Variants in JAKMIP3 observed in about 807,000 individuals in gnomAD.
JAKMIP3 encodes Janus kinase and microtubule interacting protein 3.
A neutral mutation model predicts 118.5 loss-of-function variants in JAKMIP3; 58 were observed. That is an observed-to-expected ratio of 0.49 (90% CI 0.40 to 0.61). The LOEUF (loss-of-function observed/expected upper bound fraction) is 0.61, where lower values mean the gene tolerates loss of function less well. Among genes scored for constraint, JAKMIP3 ranks in the 20% least tolerant of loss-of-function variants. The probability of loss-of-function intolerance (pLI) is 0.00; values close to 1 mark genes in which losing one functional copy is unlikely to be tolerated. For synonymous variants in JAKMIP3, 486 were observed against 451.2 expected, an observed-to-expected ratio of 1.08 and a Z score of -0.98; for missense variants, 950 against 1,109.0, an observed-to-expected ratio of 0.86 and a Z score of 2.04.
chr10:132,143,783 G>A (rs1381184201), intron 11 of JAKMIP3: 1 of 152,200 alleles, frequency 6.6e-6, no homozygotes, highest in Non-Finnish European at 1.5e-5. Flanking sequence ...CATGGACGTG[G>A]GCCCATCCCT....
At chr10:132,127,143 A>AT (rs2049725374) in intron 3 of JAKMIP3, among the ~76,000 whole-genome samples, 5 of 151,738 alleles carry the variant, frequency 3.3e-5, no homozygotes, top group Admixed American at 3.3e-4. Context: ...GTTTATTTTT[A>AT]TGTTAAGTTT....
intron 1 of JAKMIP3, among the ~76,000 whole-genome samples, chr10:132,039,158 ATT>A (rs759893927): frequency 6.6e-6 from 1 of 152,142 alleles, no homozygotes; most frequent in Non-Finnish European, 1.5e-5. Flanking sequence ...ATATTTAAAC[ATT>A]TTTTTAATAG....
chr10:132,081,824 C>T (rs1204150559), intron 1 of JAKMIP3, among the ~76,000 whole-genome samples: 1 of 152,028 alleles, frequency 6.6e-6, no homozygotes, highest in East Asian at 1.9e-4. Flanking sequence ...CAGAGAACCA[C>T]ACGTCGCTTC....
At chr10:132,065,009 C>A (rs2038600679), upstream of JAKMIP3, among the ~76,000 whole-genome samples, 1 of 152,112 alleles carries the variant, frequency 6.6e-6, no homozygotes, top group Non-Finnish European at 1.5e-5. This position sits in a 1 kb window ranked among gnomAD's most constrained non-coding sequence, Gnocchi z 5.6. Context: ...TAGGGTCCTC[C>A]CAGGCTGACC....
At chr10:132,120,787 C>T (rs373841450) in intron 3 of JAKMIP3, among the ~76,000 whole-genome samples, 23 of 152,302 alleles carry the variant, frequency 1.5e-4, no homozygotes, top group African/African-American at 5.5e-4. Context: ...CTTTTAAGGC[C>T]GTCATTTATG....
intron 14 of JAKMIP3, among the ~76,000 whole-genome samples, chr10:132,148,520 C>T (rs1010401697): frequency 8.5e-6 from 1 of 117,710 alleles, no homozygotes; most frequent in African/African-American, 2.8e-5. Context: ...CCTCCATCCG[C>T]CCGTCCTCCA....
intron 2 of JAKMIP3, among the ~76,000 whole-genome samples, chr10:132,108,521 G>A (rs1263247793): frequency 6.6e-6 from 1 of 152,080 alleles, no homozygotes; most frequent in Non-Finnish European, 1.5e-5. Context: ...CCTCAGACAA[G>A]AGAGGGCCCC....
intron 1 of JAKMIP3, among the ~76,000 whole-genome samples, chr10:132,069,346 G>C (rs2133950304): frequency 6.6e-6 from 1 of 152,226 alleles, no homozygotes; most frequent in East Asian, 1.9e-4. Context: ...CGTTTTCCCA[G>C]GTCCCCACTG....
intron 1 of JAKMIP3, among the ~76,000 whole-genome samples, chr10:132,087,747 G>A (rs1003392342): frequency 3.3e-5 from 5 of 150,884 alleles, no homozygotes; most frequent in African/African-American, 1.2e-4. Context: ...TAGGGTTCAT[G>A]TGCACAACGT....
chr10:132,146,870 C>T lies in JAKMIP3; in HGVS notation c.1750-1082C>T, dbSNP rs556256026. ...AGGGCTCAGCACAGTGCTGTGTGTG[C>T]CACGTAAATGCCGGCACAGGCAGAG... On this transcript the variant is annotated intron_variant, in intron 13 of 23. Coordinates refer to ENST00000684848, the MANE Select transcript of JAKMIP3 (RefSeq NM_001323087.2). 8.0e-4 allele frequency among the ~76,000 whole-genome samples: 122 copies of T among 152,312 alleles called. 6 individuals carry two copies. The South Asian group carries it at 0.025, about 31-fold the overall frequency.
intron 17 of JAKMIP3, among the ~76,000 whole-genome samples, chr10:132,153,333 G>A (rs1225039992): frequency 6.6e-6 from 1 of 152,220 alleles, no homozygotes; most frequent in Non-Finnish European, 1.5e-5. Flanking sequence ...ACCCCCTTCT[G>A]GGGCCACCCA....
chr10:132,131,595 G>C (rs1216643147), intron 3 of JAKMIP3, among the ~76,000 whole-genome samples: 3 of 152,040 alleles, frequency 2.0e-5, no homozygotes, highest in Non-Finnish European at 4.4e-5. Flanking sequence ...CTGACTCTAG[G>C]GTTGTGAGTG....
At chr10:132,083,575 C>G (rs1405152568) in intron 1 of JAKMIP3, among the ~76,000 whole-genome samples, 2 of 152,164 alleles carry the variant, frequency 1.3e-5, no homozygotes, top group African/African-American at 4.8e-5. Flanking sequence ...ATTGCATTTG[C>G]TTTTGGGTTC....
intron 4 of JAKMIP3, among the ~76,000 whole-genome samples, chr10:132,134,625 A>G (rs1164609458): frequency 2.0e-5 from 3 of 151,988 alleles, no homozygotes; most frequent in African/African-American, 7.3e-5. Context: ...GGGGGCGCGC[A>G]CCCTCCTGAA....
chr10:132,166,011 T>G (rs1237103929), intron 21 of JAKMIP3, among the ~76,000 whole-genome samples: 2 of 152,186 alleles, frequency 1.3e-5, no homozygotes, highest in African/African-American at 4.8e-5. Flanking sequence ...CTAAGGATAT[T>G]TGTTTGTATT....
chr10:132,181,995 T>G (rs1299411730), intron 23 of JAKMIP3, among the ~76,000 whole-genome samples: 1 of 152,244 alleles, frequency 6.6e-6, no homozygotes, highest in African/African-American at 2.4e-5. Flanking sequence ...ACTTTGAACT[T>G]AGCAGAGGCC....
chr10:132,147,682 C>T (rs1052747320), intron 13 of JAKMIP3, among the ~76,000 whole-genome samples: 1 of 152,252 alleles, frequency 6.6e-6, no homozygotes, highest in African/African-American at 2.4e-5. Context: ...CAGGGGCCAC[C>T]CAAGCTCAGG....
At chr10:132,106,480 T>G (rs1448323176) in intron 2 of JAKMIP3, among the ~76,000 whole-genome samples, 3 of 152,084 alleles carry the variant, frequency 2.0e-5, no homozygotes, top group African/African-American at 7.2e-5. Flanking sequence ...CATGAGTCCC[T>G]CCTCTGTAGA....
At position 132,097,273 on chromosome 10, in the gene JAKMIP3, G is replaced by A. The variant is rs184250911; in HGVS notation, c.-137-7399G>A. ...AGGTATCCTCCAGTGGGCGAGTGGC[G>A]AAAGATACAGTGGTGCAGCCACACC... On this transcript the variant is annotated intron_variant, in intron 1 of 23. Transcript: ENST00000684848. Among the ~76,000 whole-genome samples, 176 of 152,316 alleles carry A rather than the reference G, an allele frequency of 1.2e-3. 1 individual carries two copies. Among genetic ancestry groups the A allele is most frequent in the Non-Finnish European group, 2.1e-3 (141 of 68,036 alleles).
Sources: allele counts gnomAD v4.1 joint callset (sites outside exome capture counted in the v4.1 genomes callset), GRCh38; gene constraint gnomAD v4.1.1; non-coding constraint Gnocchi (gnomAD v3.1); transcripts MANE v1.5; gene names NCBI Gene and HGNC (gene_info 2026-07-23, HGNC 2026-07-21).